Variants in B4GALT5 observed in about 807,000 individuals in gnomAD.
B4GALT5 encodes the protein UDP-Gal:beta-GlcNAc beta-1,4-galactosyltransferase 5.
B4GALT5 carries 11 observed loss-of-function variants against 45.0 expected under a neutral mutation model. The ratio of observed to expected loss-of-function variants is 0.24; its 90% confidence interval spans 0.15 to 0.40. The LOEUF (loss-of-function observed/expected upper bound fraction) is 0.40, where lower values mean the gene tolerates loss of function less well. B4GALT5 is among the 10% of genes least tolerant of loss of function. The pLI is 1.00. For missense variants in B4GALT5, 337 were observed against 500.2 expected, an observed-to-expected ratio of 0.67 and a Z score of 3.11; for synonymous variants, 185 against 182.9, an observed-to-expected ratio of 1.01 and a Z score of -0.09.
chr20:49,661,391 T>C (rs575416545), intron 1 of B4GALT5, among the ~76,000 whole-genome samples: 2 of 152,296 alleles, frequency 1.3e-5, no homozygotes, highest in East Asian at 3.9e-4. Flanking sequence ...CCTGCCATCA[T>C]GCCCAGCTAA....
chr20:49,674,400 C>A (rs79133682), intron 1 of B4GALT5, among the ~76,000 whole-genome samples: 3 of 151,848 alleles, frequency 2.0e-5, no homozygotes, highest in Non-Finnish European at 4.4e-5. Flanking sequence ...TAAAGCACTG[C>A]GGGGTTTTTC....
chr20:49,680,725 T>C lies in B4GALT5; in HGVS notation c.116-24023A>G, dbSNP rs548612859. On this transcript the variant is annotated intron_variant, in intron 1 of 8. Coordinates refer to ENST00000371711, the MANE Select transcript of B4GALT5 (RefSeq NM_004776.4). ...TCTGGAAACGAATAGTAGTAATGGT[T>C]GCGTAATATTGAGAATGTACTTAAC... 2.3e-3 allele frequency among the ~76,000 whole-genome samples: 352 copies of C among 152,240 alleles called. 1 individual carries two copies. Among genetic ancestry groups the C allele is most frequent in the Non-Finnish European group, 4.4e-3 (302 of 68,014 alleles).
chr20:49,665,311 G>A (rs760466719), intron 1 of B4GALT5, among the ~76,000 whole-genome samples: 65 of 150,556 alleles, frequency 4.3e-4, no homozygotes, highest in Non-Finnish European at 7.7e-4. Context: ...CTACTTGGGA[G>A]GCCAAGGTAG....
intron 8 of B4GALT5, 22 bp downstream of exon 8, chr20:49,637,319 G>A (rs745349508): frequency 2.5e-6 from 4 of 1,584,368 alleles, no homozygotes; most frequent in Non-Finnish European, 2.6e-6. Flanking sequence ...ACTTCTAAGA[G>A]ACAGAGATAA....
At chr20:49,659,574 T>TA (rs1210694038) in intron 1 of B4GALT5, among the ~76,000 whole-genome samples, 4 of 152,034 alleles carry the variant, frequency 2.6e-5, no homozygotes, top group African/African-American at 4.8e-5. Context: ...AGCACAATGC[T>TA]AAAAAAATAA....
rs1555814910 is a variant in B4GALT5, at chr20:49,703,730, A to AAAGAAAATAATAAT, written c.115+9845_115+9846insATTATTATTTTCTT. Reference sequence around the variant, plus strand: ...ACGGCAAAGCCGCATTTCTACTAAAAAAAAAAAAAATAGCCAGGGGTCATG... The same window carrying AAAGAAAATAATAAT: ...ACGGCAAAGCCGCATTTCTACTAAAAAAGAAAATAATAATAAAAAAAAAATAGCCAGGGGTCATG... On this transcript the variant is annotated intron_variant, in intron 1 of 8. Transcript: ENST00000371711. Among the ~76,000 whole-genome samples, 43 of 144,644 alleles carry AAAGAAAATAATAAT rather than the reference A, an allele frequency of 3.0e-4. No individual in the cohort carries two copies. The South Asian group carries it at 9.0e-3, about 30-fold the overall frequency. The allele number at this position is 144,644 out of a possible 152,430, so 94.9% of individuals were successfully genotyped here.
intron 1 of B4GALT5, among the ~76,000 whole-genome samples, chr20:49,709,562 G>C (rs539080696): frequency 6.6e-6 from 1 of 151,950 alleles, no homozygotes; most frequent in Non-Finnish European, 1.5e-5. Context: ...ACTTGAGGTC[G>C]GGAGTTCGAG....
rs1481773601 is a variant in B4GALT5, at chr20:49,713,687, G to C, written c.4C>G (p.Arg2Gly). The C allele has an allele frequency of 1.4e-6, 2 of 1,450,208 alleles. No homozygotes were observed. The highest frequency in any genetic ancestry group is 2.2e-5 in the Admixed American group (1 of 44,604). 89.8% of individuals were successfully genotyped at this position (1,450,208 alleles called of 1,614,324 possible). A position where few individuals can be genotyped will look rare whatever the true frequency, so the allele number is the denominator to read the frequency against. Residue 2 changes from arginine (R) to glycine (G), a missense_variant, in exon 1 of 9, where the codon CGC becomes GGC. Physicochemically the swap from Arg to Gly is moderately radical, Grantham distance 125 (BLOSUM62 -2). This residue lies in a region of B4GALT5 where 174 missense variants were observed against 207.4 expected (regional missense o/e 0.84). Transcript: ENST00000371711. ...AGCCGCAGCAGCCCCCGGCGGGCGCGCATGCTGCAGCCAGGCGGCCGCTAG... is the reference window on the plus strand; with the variant it reads ...AGCCGCAGCAGCCCCCGGCGGGCGCCCATGCTGCAGCCAGGCGGCCGCTAG... MRARRGLLRLPR... is the reference protein window; with the variant it reads MGARRGLLRLPR...
chr20:49,684,201 T>G (rs1432483687), intron 1 of B4GALT5, among the ~76,000 whole-genome samples: 5 of 151,664 alleles, frequency 3.3e-5, no homozygotes, highest in Non-Finnish European at 5.9e-5. Context: ...AAGCAACACA[T>G]GCAGAGCTCT....
intron 1 of B4GALT5, among the ~76,000 whole-genome samples, chr20:49,709,792 G>A (rs2085900275): frequency 2.0e-5 from 3 of 151,408 alleles, no homozygotes; most frequent in South Asian, 2.1e-4. Context: ...AAATTCCAAC[G>A]AAGTCGTATT....
intron 1 of B4GALT5, among the ~76,000 whole-genome samples, chr20:49,678,855 A>G (rs1276581792): frequency 6.6e-6 from 1 of 152,130 alleles, no homozygotes; most frequent in Non-Finnish European, 1.5e-5. Context: ...TTCCATATCC[A>G]CTTCAATATA....
In B4GALT5 at chr20:49,639,809, A is replaced by G; in HGVS notation, c.795-9T>C. ...ACTCGGTATAAGGAAGCCTAGGAGG[A>G]GATGTGGGACATCAATCATCTGTGT... On this transcript the variant is annotated splice_polypyrimidine_tract_variant and intron_variant, in intron 6 of 8. Transcript: ENST00000371711. 6.2e-7 allele frequency: 1 copy of G among 1,612,034 alleles called. No homozygotes were observed.
At chr20:49,688,293 A>G (rs1413741904) in intron 1 of B4GALT5, among the ~76,000 whole-genome samples, 6 of 152,220 alleles carry the variant, frequency 3.9e-5, no homozygotes, top group African/African-American at 1.2e-4. Context: ...AGGTTTCTTC[A>G]CCAATCCCAT....
intron 2 of B4GALT5, among the ~76,000 whole-genome samples, chr20:49,656,060 T>C (rs1019329964): frequency 6.6e-5 from 10 of 151,776 alleles, no homozygotes; most frequent in African/African-American, 2.4e-4. Flanking sequence ...CTACAGCAGG[T>C]GTTTGGTTCA....
chr20:49,702,841 C>T (rs1359487640), intron 1 of B4GALT5, among the ~76,000 whole-genome samples: 2 of 151,038 alleles, frequency 1.3e-5, no homozygotes, highest in Admixed American at 6.6e-5. Flanking sequence ...GGCAACAGAG[C>T]GAGAGTCCAT....
intron 1 of B4GALT5, among the ~76,000 whole-genome samples, chr20:49,700,640 A>G (rs1185994602): frequency 2.4e-4 from 37 of 152,218 alleles, no homozygotes; most frequent in Non-Finnish European, 2.1e-4. Context: ...AATAAAATTA[A>G]AATAAGGGTC....
At chr20:49,678,501 T>G (rs2085749354) in intron 1 of B4GALT5, among the ~76,000 whole-genome samples, 1 of 152,174 alleles carries the variant, frequency 6.6e-6, no homozygotes, top group African/African-American at 2.4e-5. Flanking sequence ...CCCTACGTGG[T>G]GGTGTGCATG....
intron 1 of B4GALT5, 68 bp downstream of exon 1, chr20:49,713,506 AGG>A: frequency 6.8e-7 from 1 of 1,472,960 alleles, no homozygotes; most frequent in Non-Finnish European, 9.2e-7. Flanking sequence ...CCCCTTAGGG[AGG>A]GGCGGGGATT....
intron 3 of B4GALT5, among the ~76,000 whole-genome samples, chr20:49,644,126 C>T (rs928119158): frequency 1.3e-5 from 2 of 151,922 alleles, no homozygotes; most frequent in African/African-American, 4.8e-5. Flanking sequence ...GAGGTTTCAC[C>T]TTGTTGGCCA....
Sources: gnomAD v4.1 joint callset for allele counts (sites outside exome capture counted in the v4.1 genomes callset) on GRCh38, gnomAD v4.1.1 for gene constraint, gnomAD v4.1.1 regional missense constraint, MANE v1.5 for transcripts, NCBI Gene and HGNC (gene_info 2026-07-23, HGNC 2026-07-21) for gene names.